PARVB: variants seen among roughly 807,000 people sequenced by gnomAD.
The protein encoded by PARVB is parvin beta.
Under a neutral mutation model 47.0 loss-of-function variants are expected in PARVB, and 46 were observed. The observed-to-expected ratio is 0.98, with a 90% confidence interval of 0.77 to 1.25. The LOEUF (loss-of-function observed/expected upper bound fraction) is 1.25. PARVB is among the 50% of genes most tolerant of loss of function. PARVB has a pLI of 0.00. For missense variants in PARVB, 473 were observed against 471.6 expected, an observed-to-expected ratio of 1.00 and a Z score of -0.03; for synonymous variants, 196 against 196.3, an observed-to-expected ratio of 1.00 and a Z score of 0.01.
Position 44,043,202 on chromosome 22 carries a change from AT to A in PARVB, c.112+18753del, listed in dbSNP as rs576632510. On this transcript the variant is annotated intron_variant, in intron 1 of 12. Coordinates refer to ENST00000338758, the MANE Select transcript of PARVB (RefSeq NM_013327.5). ...TTATTTGAATATCTAGAATAGGCAA[AT>A]TGATAGAGACAGAAAGTAAGATTAG... 1.8e-3 allele frequency among the ~76,000 whole-genome samples: 268 copies of A among 152,322 alleles called. 1 individual carries two copies. The highest frequency in any genetic ancestry group is 6.3e-3 in the African/African-American group (260 of 41,576).
At chr22:44,100,714 G>C (rs1212422640) in intron 3 of PARVB, among the ~76,000 whole-genome samples, 1 of 152,216 alleles carries the variant, frequency 6.6e-6, no homozygotes, top group African/African-American at 2.4e-5. Context: ...CTCCAGCGTG[G>C]CTCCTGCTCA....
intron 1 of PARVB, among the ~76,000 whole-genome samples, chr22:44,057,690 A>G (rs1476177279): frequency 6.6e-6 from 1 of 151,804 alleles, no homozygotes; most frequent in Non-Finnish European, 1.5e-5. Context: ...AGCACTTGGC[A>G]CCTGTGGGAC....
At chr22:44,118,280 C>G (rs531896974) in intron 3 of PARVB, among the ~76,000 whole-genome samples, 10 of 152,348 alleles carry the variant, frequency 6.6e-5, no homozygotes, top group Admixed American at 3.9e-4. Flanking sequence ...TGAAAACATG[C>G]TCAGTGAAAG....
intron 1 of PARVB, among the ~76,000 whole-genome samples, chr22:44,055,676 C>CTATATATATATATATATA (rs1354059126): frequency 1.5e-5 from 2 of 137,742 alleles, no homozygotes; most frequent in African/African-American, 5.8e-5. Context: ...CTCTCTCTCT[C>CTATATATATATATATATA]TCTATATATA....
intron 8 of PARVB, 96 bp downstream of exon 8, chr22:44,140,239 A>G (rs2053524777): frequency 2.4e-6 from 3 of 1,245,808 alleles, no homozygotes; most frequent in South Asian, 1.2e-5. Context: ...AGGGAGTGGG[A>G]AACTAGATGG....
intron 10 of PARVB, chr22:44,152,654 A>G (rs1299464123): frequency 6.6e-6 from 1 of 152,200 alleles, no homozygotes; most frequent in Admixed American, 6.5e-5. Flanking sequence ...AAGTATATCA[A>G]GTCTACTTCC....
chr22:44,118,714 G>A (rs1257487639), intron 3 of PARVB, among the ~76,000 whole-genome samples: 5 of 152,104 alleles, frequency 3.3e-5, no homozygotes, highest in African/African-American at 1.2e-4. Context: ...ACCTGGTGGT[G>A]GCCGCAGAGC....
chr22:44,160,196 A>T (rs981305604), intron 11 of PARVB, among the ~76,000 whole-genome samples: 1 of 151,838 alleles, frequency 6.6e-6, no homozygotes, highest in Non-Finnish European at 1.5e-5. Context: ...ATTTTGGGAG[A>T]CTCTGCAGGC....
chr22:44,099,542 A>G (rs1162765261), intron 2 of PARVB, among the ~76,000 whole-genome samples: 1 of 151,588 alleles, frequency 6.6e-6, no homozygotes, highest in African/African-American at 2.4e-5. Context: ...TTTTTTTGCT[A>G]TTTATTTCTC....
intron 1 of PARVB, among the ~76,000 whole-genome samples, chr22:44,075,125 T>G (rs1454672517): frequency 2.0e-5 from 3 of 152,002 alleles, no homozygotes; most frequent in Non-Finnish European, 4.4e-5. Flanking sequence ...CGTCCCCAGT[T>G]GAGATCCGCT....
intron 1 of PARVB, among the ~76,000 whole-genome samples, chr22:44,038,134 C>T (rs1239413128): frequency 6.6e-6 from 1 of 152,276 alleles, no homozygotes; most frequent in Non-Finnish European, 1.5e-5. Context: ...GGGGGCCCCT[C>T]TTTGCCCATT....
intron 1 of PARVB, among the ~76,000 whole-genome samples, chr22:44,052,868 A>G (rs184682073): frequency 6.6e-6 from 1 of 152,254 alleles, no homozygotes; most frequent in African/African-American, 2.4e-5. Flanking sequence ...CCTTGAGCTC[A>G]GGAGGTTGAG....
intron 8 of PARVB, chr22:44,145,941 T>C (rs2147131303): frequency 6.6e-6 from 1 of 152,282 alleles, no homozygotes; most frequent in Non-Finnish European, 1.5e-5. Flanking sequence ...GACTGTCTTA[T>C]TGAGTGTAGT....
intron 4 of PARVB, chr22:44,119,874 C>T (rs368673097): frequency 1.2e-4 from 64 of 529,094 alleles, no homozygotes; most frequent in Non-Finnish European, 1.9e-4. Context: ...GGGGGTGGGG[C>T]GGCCTTGCAG....
At chr22:44,048,010 T>C (rs1233440392) in intron 1 of PARVB, among the ~76,000 whole-genome samples, 1 of 152,026 alleles carries the variant, frequency 6.6e-6, no homozygotes, top group Non-Finnish European at 1.5e-5. Flanking sequence ...CAGCCATCAG[T>C]GAGGTGTGCT....
At chr22:44,018,853 G>T (rs2050613285) in intron 2 of PARVB, among the ~76,000 whole-genome samples, 1 of 152,176 alleles carries the variant, frequency 6.6e-6, no homozygotes, top group Non-Finnish European at 1.5e-5. Flanking sequence ...CTCGTGCGCT[G>T]CCCCCATCTT....
chr22:44,050,259 A>C (rs2051184226), intron 1 of PARVB, among the ~76,000 whole-genome samples: 1 of 151,974 alleles, frequency 6.6e-6, no homozygotes, highest in African/African-American at 2.4e-5. Flanking sequence ...AACAGAATCC[A>C]CACCATAGAT....
intron 4 of PARVB, chr22:44,119,705 A>G (rs1320857269): frequency 2.1e-6 from 1 of 487,452 alleles, no homozygotes; most frequent in East Asian, 6.2e-5. Flanking sequence ...TACCAGGGAT[A>G]CGGTGATCTT....
At chr22:44,033,825 T>C (rs1426463103) in intron 1 of PARVB, among the ~76,000 whole-genome samples, 1 of 152,220 alleles carries the variant, frequency 6.6e-6, no homozygotes, top group Non-Finnish European at 1.5e-5. Context: ...TCCTAGGGCC[T>C]GCGTACGTTG....
Sources: gnomAD v4.1 joint callset for allele counts (sites outside exome capture counted in the v4.1 genomes callset) on GRCh38, gnomAD v4.1.1 for gene constraint, MANE v1.5 for transcripts, NCBI Gene and HGNC (gene_info 2026-07-23, HGNC 2026-07-21) for gene names.